EXOC4: variants seen among roughly 807,000 people sequenced by gnomAD.
The protein encoded by EXOC4 is SEC8-like 1.
Under a neutral mutation model 107.2 loss-of-function variants are expected in EXOC4, and 71 were observed. The observed-to-expected ratio is 0.66, with a 90% CI of 0.55 to 0.81. EXOC4 has a LOEUF of 0.81. Among genes scored for constraint, EXOC4 ranks in the 30% least tolerant of loss-of-function variants. The pLI is 0.00. For missense variants in EXOC4, 1,108 were observed against 1,189.6 expected, an observed-to-expected ratio of 0.93 and a Z score of 1.01; for synonymous variants, 456 against 441.2, an observed-to-expected ratio of 1.03 and a Z score of -0.42.
intron 9 of EXOC4, among the ~76,000 whole-genome samples, chr7:133,554,295 G>T (rs2150944535): frequency 6.6e-6 from 1 of 152,102 alleles, no homozygotes; most frequent in East Asian, 1.9e-4. Flanking sequence ...AATATTATTT[G>T]AGTATCAAAA....
At chr7:133,916,194 C>T (rs188788769) in intron 12 of EXOC4, among the ~76,000 whole-genome samples, 2 of 152,334 alleles carry the variant, frequency 1.3e-5, no homozygotes, top group East Asian at 3.9e-4. Context: ...CTCGCATGCG[C>T]GGTTCACAAT....
At chr7:134,038,526 A>G (rs1436190896) in intron 17 of EXOC4, among the ~76,000 whole-genome samples, 1 of 152,188 alleles carries the variant, frequency 6.6e-6, no homozygotes, top group Non-Finnish European at 1.5e-5. Context: ...ATGTGGGTCA[A>G]TTAGTCTTTT....
chr7:134,090,802 G>A, the EXOC4 span, among the ~76,000 whole-genome samples: 1 of 152,006 alleles, frequency 6.6e-6, no homozygotes, highest in African/African-American at 2.4e-5. Context: ...TCAGCAAAGA[G>A]TACAAGACAG....
intron 10 of EXOC4, among the ~76,000 whole-genome samples, chr7:133,686,621 C>T (rs1461136225): frequency 2.0e-5 from 3 of 152,110 alleles, no homozygotes; most frequent in Non-Finnish European, 2.9e-5. Context: ...AAAAAATGCT[C>T]AACATCACTA....
intron 10 of EXOC4, among the ~76,000 whole-genome samples, chr7:133,643,967 T>C (rs1321649043): frequency 5.3e-5 from 8 of 152,156 alleles, no homozygotes; most frequent in African/African-American, 1.9e-4. Flanking sequence ...TGGGGAAGGA[T>C]GGGAGAAAGA....
chr7:133,879,800 TTA>T (rs1230106886), intron 11 of EXOC4, among the ~76,000 whole-genome samples: 1 of 152,148 alleles, frequency 6.6e-6, no homozygotes, highest in East Asian at 1.9e-4. Flanking sequence ...AGCCAGAGAA[TTA>T]GACTAGATAA....
chr7:133,534,495 A>C (rs1800237698), intron 9 of EXOC4, among the ~76,000 whole-genome samples: 1 of 152,150 alleles, frequency 6.6e-6, no homozygotes, highest in Non-Finnish European at 1.5e-5. Context: ...GATGGAAATC[A>C]CAGCTCTGTG....
At chr7:133,391,232 A>G (rs1796845115) in intron 7 of EXOC4, among the ~76,000 whole-genome samples, 1 of 152,218 alleles carries the variant, frequency 6.6e-6, no homozygotes, top group African/African-American at 2.4e-5. Flanking sequence ...ACTGCTTTGG[A>G]TATGATTTCA....
chr7:133,286,782 T>C (rs1291583448), intron 2 of EXOC4, among the ~76,000 whole-genome samples: 11 of 152,220 alleles, frequency 7.2e-5, no homozygotes, highest in African/African-American at 2.4e-4. Flanking sequence ...CTTTGGATCG[T>C]ACTGTTTAAT....
intron 10 of EXOC4, among the ~76,000 whole-genome samples, chr7:133,777,209 A>G (rs1796362615): frequency 2.0e-5 from 3 of 151,962 alleles, no homozygotes. Flanking sequence ...AGTATTTATC[A>G]GAACTTCTCC....
At chr7:133,363,339 A>G (rs912735242) in intron 6 of EXOC4, among the ~76,000 whole-genome samples, 41 of 152,344 alleles carry the variant, frequency 2.7e-4, no homozygotes, top group African/African-American at 9.4e-4. Context: ...ACTAAAATAT[A>G]TAACTCATTA....
intron 11 of EXOC4, among the ~76,000 whole-genome samples, chr7:133,882,878 A>G (rs971413612): frequency 1.3e-5 from 2 of 152,218 alleles, no homozygotes; most frequent in East Asian, 1.9e-4. Context: ...TCCATTAAAG[A>G]GTTCTAATCC....
In EXOC4 at chr7:133,512,163, C is replaced by G. The variant is rs534540140; in HGVS notation, c.1417+32025C>G. On this transcript the variant is annotated intron_variant, in intron 9 of 17. Transcript: ENST00000253861. ...CTTTGAAAATGCCCTGGCATGGTGGCTCACGCCTGTAATCCCAGCACTTTG... is the reference window on the plus strand; with the variant it reads ...CTTTGAAAATGCCCTGGCATGGTGGGTCACGCCTGTAATCCCAGCACTTTG... Among the ~76,000 whole-genome samples the G allele has an allele frequency of 3.9e-5, 6 of 152,332 alleles. No individual in the cohort carries two copies. In the East Asian group the frequency reaches 1.2e-3, roughly 29 times the overall value.
intron 11 of EXOC4, among the ~76,000 whole-genome samples, chr7:133,854,388 TG>T (rs1412291541): frequency 6.8e-6 from 1 of 147,928 alleles, no homozygotes; most frequent in African/African-American, 2.5e-5. Context: ...TCTTCTCAAC[TG>T]GGCTCAGTTG....
the EXOC4 span, among the ~76,000 whole-genome samples, chr7:134,095,651 C>T: frequency 1.3e-5 from 2 of 151,982 alleles, no homozygotes; most frequent in Non-Finnish European, 2.9e-5. Flanking sequence ...GAATAGAGAA[C>T]CCAAAAATAA....
At chr7:133,576,862 G>T in intron 9 of EXOC4, 1 of 1,289,524 alleles carries the variant, frequency 7.8e-7, no homozygotes, top group Non-Finnish European at 1.0e-6. Context: ...GTTTTAAGAT[G>T]AATTCATCGG....
At chr7:133,971,332 G>GTGTA (rs1801217049) in intron 14 of EXOC4, among the ~76,000 whole-genome samples, 1 of 42,068 alleles carries the variant, frequency 2.4e-5, no homozygotes, top group African/African-American at 1.1e-4. Flanking sequence ...TGGGGAAAAT[G>GTGTA]TGTATATATA....
At chr7:133,685,227 C>T (rs890978955) in intron 10 of EXOC4, among the ~76,000 whole-genome samples, 5 of 152,270 alleles carry the variant, frequency 3.3e-5, no homozygotes, top group African/African-American at 4.8e-5. Context: ...ATAATCCCCA[C>T]GTGTTAAGGG....
chr7:133,352,809 T>C (rs1010686079), intron 5 of EXOC4, among the ~76,000 whole-genome samples: 30 of 152,072 alleles, frequency 2.0e-4, no homozygotes, highest in African/African-American at 7.2e-4. Context: ...GTATGCATTC[T>C]GTAGCATTTT....
Sources: gnomAD v4.1 joint callset for allele counts (sites outside exome capture counted in the v4.1 genomes callset) on GRCh38, gnomAD v4.1.1 for gene constraint, MANE v1.5 for transcripts, NCBI Gene and HGNC (gene_info 2026-07-23, HGNC 2026-07-21) for gene names.